The following CCDC15 variants were observed in gnomAD, a reference collection of about 807,000 sequenced individuals.
CCDC15 encodes the protein coiled-coil domain-containing protein 15.
In CCDC15, 105 loss-of-function variants were observed where a neutral mutation model predicts 114.5. The observed-to-expected ratio is 0.92, with a 90% CI of 0.78 to 1.08. The LOEUF is 1.08. CCDC15 is among the 50% of genes least tolerant of loss of function. The pLI is 0.00. For missense variants in CCDC15, 1,105 were observed against 1,093.6 expected (o/e 1.01, Z -0.15); for synonymous variants, 334 against 377.8 (o/e 0.88, Z 1.34).
At chr11:125,002,304 T>G (rs542917952) in intron 11 of CCDC15, among the ~76,000 whole-genome samples, 31 of 152,326 alleles carry the variant, frequency 2.0e-4, no homozygotes, top group African/African-American at 6.7e-4. Context: ...TACAAGTCCC[T>G]TATCAGATAC....
chr11:125,002,002 C>A (rs1413755492), intron 11 of CCDC15, among the ~76,000 whole-genome samples: 1 of 152,072 alleles, frequency 6.6e-6, no homozygotes, highest in African/African-American at 2.4e-5. Flanking sequence ...AGTAGCTGCA[C>A]CATTTTTCAT....
intron 6 of CCDC15, among the ~76,000 whole-genome samples, chr11:124,983,237 T>A (rs1333116708): frequency 6.6e-6 from 1 of 152,238 alleles, no homozygotes; most frequent in Non-Finnish European, 1.5e-5. Context: ...AACTTTCTCC[T>A]GAATGTCGAT....
chr11:124,977,143 C>T (rs969453700), intron 5 of CCDC15, among the ~76,000 whole-genome samples: 11 of 151,984 alleles, frequency 7.2e-5, no homozygotes, highest in African/African-American at 1.9e-4. Flanking sequence ...GTTATTGATC[C>T]GGATTTGGAG....
intron 11 of CCDC15, among the ~76,000 whole-genome samples, chr11:124,996,735 C>T (rs532503721): frequency 6.6e-6 from 1 of 152,298 alleles, no homozygotes; most frequent in South Asian, 2.1e-4. Flanking sequence ...CTGGCAACCA[C>T]CATTCTACTT....
chr11:125,039,154 T>C, intron 15 of CCDC15, 85 bp downstream of exon 15: 1 of 1,293,810 alleles, frequency 7.7e-7, no homozygotes, highest in Non-Finnish European at 1.1e-6. Flanking sequence ...TACCATTTAT[T>C]GAGTGCTTAC....
In CCDC15 at chr11:125,040,767, G is replaced by GA; in HGVS notation, c.*57dup. On this transcript the variant is annotated 3_prime_UTR_variant, in exon 16 of 16. Transcript: ENST00000344762. The stretch of plus-strand genomic sequence containing the variant: ...GGCTTTTACTTAAAATCATCCCTGA[G>GA]AGAGTATTTAAGAAAAGCTGTTCAA... 6.8e-7 allele frequency: 1 copy of GA among 1,480,628 alleles called. No individual in the cohort carries two copies. The highest frequency in any genetic ancestry group is 9.3e-7 in the Non-Finnish European group (1 of 1,076,066). 91.7% of individuals were successfully genotyped at this position (1,480,628 alleles called of 1,614,324 possible). A position where few individuals can be genotyped will look rare whatever the true frequency, so the allele number is the denominator to read the frequency against.
chr11:125,037,164 A>G (rs1304222723), intron 13 of CCDC15, among the ~76,000 whole-genome samples: 1 of 133,760 alleles, frequency 7.5e-6, no homozygotes, highest in African/African-American at 3.0e-5. Flanking sequence ...TGGTTTTGGT[A>G]TACAGTCAAG....
chr11:125,032,533 G>T (rs1319625861), intron 13 of CCDC15, among the ~76,000 whole-genome samples: 2 of 152,186 alleles, frequency 1.3e-5, no homozygotes, highest in African/African-American at 4.8e-5. Context: ...ATGAGGATGT[G>T]GTGGGAATCA....
At chr11:125,002,010 C>T (rs997938918) in intron 11 of CCDC15, among the ~76,000 whole-genome samples, 1 of 152,122 alleles carries the variant, frequency 6.6e-6, no homozygotes, top group Non-Finnish European at 1.5e-5. Flanking sequence ...CACCATTTTT[C>T]ATTCCCACCA....
rs1464615407 is a variant in CCDC15, at chr11:125,005,140, T to C, written c.2339T>C (p.Leu780Pro). 2 of 1,564,358 alleles carry C rather than the reference T, an allele frequency of 1.3e-6. No homozygotes were observed. The highest frequency in any genetic ancestry group is 1.7e-6 in the Non-Finnish European group (2 of 1,150,696). The change falls in exon 13 of 16, where the codon CTT becomes CCT. Residue 780 changes from leucine (L) to proline (P), a missense_variant. Coordinates refer to ENST00000344762, the MANE Select transcript of CCDC15 (RefSeq NM_025004.3). ...AAGCAGTACCTGAGACATAGACGAC[T>C]TTTCATGGATATTGAGAGAGAACAA... ...RQKQYLRHRR[L>P]FMDIEREQVK...
At chr11:124,965,816 G>A (rs1360560458) in intron 4 of CCDC15, among the ~76,000 whole-genome samples, 4 of 152,140 alleles carry the variant, frequency 2.6e-5, no homozygotes, top group African/African-American at 9.7e-5. Context: ...CTTTAAATGT[G>A]TCCGAGAGAT....
chr11:124,974,269 C>T (rs1947935430), intron 4 of CCDC15, among the ~76,000 whole-genome samples: 1 of 152,188 alleles, frequency 6.6e-6, no homozygotes, highest in Admixed American at 6.5e-5. Context: ...GTGTGAGCCA[C>T]CACGGCTGGC....
At position 125,005,195 on chromosome 11, in the gene CCDC15, AAAG is replaced by A; in HGVS notation, c.2400_2402del (p.Lys801del). 1.3e-6 allele frequency: 2 copies of A among 1,519,450 alleles called. No homozygotes were observed. The highest frequency in any genetic ancestry group is 1.8e-6 in the Non-Finnish European group (2 of 1,109,904). The allele number at this position is 1,519,450 out of a possible 1,614,324, so 94.1% of individuals were successfully genotyped here. A position where few individuals can be genotyped will look rare whatever the true frequency, so the allele number is the denominator to read the frequency against. On this transcript the variant is annotated inframe_deletion, in exon 13 of 16. Transcript: ENST00000344762. ...AAGAACAACAAAGGCAAAAAGAACA[AAAG>A]AAGAAAATTGAAAAGTAAGTTATTC... is the stretch of plus-strand genomic sequence containing the variant.
chr11:124,974,976 G>A (rs1309537453), intron 4 of CCDC15, 120 bp from the exon 5 acceptor site: 2 of 559,952 alleles, frequency 3.6e-6, no homozygotes, highest in South Asian at 2.6e-5. Flanking sequence ...AAGTAATCCT[G>A]TTGTCTTAGA....
chr11:125,039,097 C>T (rs1948797842), intron 15 of CCDC15, 28 bp downstream of exon 15: 2 of 1,539,476 alleles, frequency 1.3e-6, no homozygotes, highest in East Asian at 4.6e-5. Flanking sequence ...ATAGTCAGGG[C>T]CTAATGGCAA....
rs745333815 is a variant in CCDC15, at chr11:124,991,510, G to A, written c.1958G>A (p.Arg653Lys). ...TCTGATATGACAGATGAGAAAGGGA[G>A]AGAAGACTTTTCTCTGGCAGACTAT... ...PYSDMTDEKG[R>K]EDFSLADYQC... is the part of the protein sequence containing the mutation. Residue 653 changes from arginine to lysine, a missense_variant, in exon 9 of 16, where the codon AGA (arginine) becomes AAA (lysine). Coordinates refer to ENST00000344762, the MANE Select transcript of CCDC15 (RefSeq NM_025004.3). 6.2e-7 allele frequency: 1 copy of A among 1,607,686 alleles called. No homozygotes were observed. The highest frequency in any genetic ancestry group is 1.7e-5 in the Admixed American group (1 of 59,974).
At position 125,025,075 on chromosome 11, in the gene CCDC15, A is replaced by AATATATATGAATATATATATGAAT. The variant is rs55642806; in HGVS notation, c.2412-13349_2412-13326dup. ...ATATGAATATATATATGAATATATG[A>AATATATATGAATATATATATGAAT]ATATATATGAATATATATATGAATA... On this transcript the variant is annotated intron_variant, in intron 13 of 15. Coordinates refer to ENST00000344762, the MANE Select transcript of CCDC15 (RefSeq NM_025004.3). 2.1e-3 allele frequency among the ~76,000 whole-genome samples: 121 copies of AATATATATGAATATATATATGAAT among 57,412 alleles called. 8 individuals are homozygous for AATATATATGAATATATATATGAAT. Among genetic ancestry groups the AATATATATGAATATATATATGAAT allele is most frequent in the African/African-American group, 6.8e-3 (102 of 14,950 alleles). 37.7% of individuals were successfully genotyped at this position (57,412 alleles called of 152,430 possible). A position where few individuals can be genotyped will look rare whatever the true frequency, so the allele number is the denominator to read the frequency against.
intron 13 of CCDC15, among the ~76,000 whole-genome samples, chr11:125,023,629 A>G (rs1948676444): frequency 6.6e-6 from 1 of 152,030 alleles, no homozygotes; most frequent in Admixed American, 6.6e-5. Flanking sequence ...AATTTAAAAA[A>G]CGACAGATAA....
chr11:124,959,025 A>T, intron 2 of CCDC15, 90 bp from the exon 3 acceptor site: 3 of 794,172 alleles, frequency 3.8e-6, no homozygotes, highest in Non-Finnish European at 5.6e-6. Context: ...TCAGGATTGT[A>T]TCCTTATCCT....
Sources: gnomAD v4.1 joint callset for allele counts (sites outside exome capture counted in the v4.1 genomes callset) on GRCh38, gnomAD v4.1.1 for gene constraint, MANE v1.5 for transcripts, NCBI Gene and HGNC (gene_info 2026-07-23, HGNC 2026-07-21) for gene names.